The following CALD1 variants were observed in gnomAD, a reference collection of about 807,000 sequenced individuals.
CALD1 encodes caldesmon.
CALD1 carries 33 observed loss-of-function variants against 99.9 expected under a neutral mutation model. The ratio of observed to expected loss-of-function variants is 0.33; its 90% CI spans 0.25 to 0.44. The LOEUF (loss-of-function observed/expected upper bound fraction) is 0.44. Ranked by LOEUF, CALD1 falls within the 20% of genes least tolerant of loss-of-function variation. CALD1 has a pLI of 1.00. For synonymous variants in CALD1, 310 were observed against 325.0 expected, an observed-to-expected ratio of 0.95 and a Z score of 0.50; for missense variants, 861 against 962.1, an observed-to-expected ratio of 0.89 and a Z score of 1.39.
chr7:134,735,822 A>G, the CALD1 span, among the ~76,000 whole-genome samples: 100,161 of 151,488 alleles, frequency 0.66, 33,621 homozygotes, highest in East Asian at 0.89. Context: ...ATATAACTCC[A>G]AAAAGTCCAG....
intron 3 of CALD1, among the ~76,000 whole-genome samples, chr7:134,926,022 A>G (rs771971733): frequency 6.6e-6 from 1 of 152,240 alleles, no homozygotes; most frequent in Non-Finnish European, 1.5e-5. Flanking sequence ...TGAAGGGTGA[A>G]GCCAAACCAC....
At chr7:134,856,904 G>A (rs1422308311) in intron 2 of CALD1, among the ~76,000 whole-genome samples, 2 of 152,148 alleles carry the variant, frequency 1.3e-5, no homozygotes, top group South Asian at 2.1e-4. Flanking sequence ...ACACTGCCCT[G>A]GCATCTGTTC....
chr7:134,888,230 C>T (rs10245602), intron 3 of CALD1, among the ~76,000 whole-genome samples: 23,741 of 152,126 alleles, frequency 0.16, 2,685 homozygotes, highest in African/African-American at 0.32. Flanking sequence ...CTCAGAATGG[C>T]CCAGACTTTC....
intron 1 of CALD1, among the ~76,000 whole-genome samples, chr7:134,754,563 G>C (rs941454245): frequency 2.0e-5 from 3 of 152,302 alleles, no homozygotes; most frequent in South Asian, 4.1e-4. Context: ...TCTGTTAACA[G>C]ATGTGTAGTC....
In CALD1 at chr7:134,928,826, A is replaced by ACGGCTG; in HGVS notation, c.149_154dup (p.Leu50_Arg51dup). On this transcript the variant is annotated inframe_insertion, in exon 4 of 15. Transcript: ENST00000361675. Reference sequence around the variant, plus strand: ...AACGGCGCCGCCGAGCCCGACAGGAACGGCTGCGGCAGAAGCAGGAGGAAG... The same window carrying ACGGCTG: ...AACGGCGCCGCCGAGCCCGACAGGAACGGCTGCGGCTGCGGCAGAAGCAGGAGGAAG... The ACGGCTG allele has an allele frequency of 6.2e-7, 1 of 1,613,978 alleles. No individual in the cohort carries two copies. The highest frequency in any genetic ancestry group is 8.5e-7 in the Non-Finnish European group (1 of 1,179,892).
chr7:134,873,470 G>T (rs62479552), intron 3 of CALD1, among the ~76,000 whole-genome samples: 12,989 of 152,246 alleles, frequency 0.085, 683 homozygotes, highest in South Asian at 0.25. Context: ...CCAGGAAAGA[G>T]GGAGAGAGAA....
chr7:134,883,679 T>A (rs1801712797), intron 3 of CALD1, among the ~76,000 whole-genome samples: 1 of 152,222 alleles, frequency 6.6e-6, no homozygotes, highest in Admixed American at 6.5e-5. Context: ...GCTACCATCA[T>A]AAAGATACCT....
At chr7:134,881,223 T>C (rs1801585664) in intron 3 of CALD1, among the ~76,000 whole-genome samples, 1 of 152,164 alleles carries the variant, frequency 6.6e-6, no homozygotes, top group South Asian at 2.1e-4. Flanking sequence ...GACCCAGGCT[T>C]GTAGAGCAAC....
In CALD1 at chr7:134,792,722, T is replaced by G. The variant is rs186476803; in HGVS notation, c.-130+12973T>G. On this transcript the variant is annotated intron_variant, in intron 1 of 14. Transcript: ENST00000361675. ...ATTCTGAGGTCTTAGGGGTTAGGAC[T>G]GCTTCAACATATGAATACTCGGGGG... Among the ~76,000 whole-genome samples the G allele has an allele frequency of 2.5e-3, 387 of 152,308 alleles. 1 individual carries two copies. The highest frequency in any genetic ancestry group is 9.0e-3 in the African/African-American group (376 of 41,568).
chr7:134,967,813 G>T (rs1288131462), intron 14 of CALD1, among the ~76,000 whole-genome samples: 1 of 152,046 alleles, frequency 6.6e-6, no homozygotes, highest in African/African-American at 2.4e-5. Context: ...GACAGGAAGA[G>T]GGAAGTGAAA....
rs769359658 is a variant in CALD1 at position 134,930,102 on chromosome 7, G to A, written c.218+1202G>A. Reference sequence around the variant, plus strand: ...CTCTGATCATTATAATATTCAACAAGATACAGAATTCCGCTTAATTTAATG... The same window carrying A: ...CTCTGATCATTATAATATTCAACAAAATACAGAATTCCGCTTAATTTAATG... On this transcript the variant is annotated intron_variant, in intron 4 of 14. Coordinates refer to ENST00000361675, the MANE Select transcript of CALD1 (RefSeq NM_033138.4). Among the ~76,000 whole-genome samples, 5 of 152,036 alleles carry A rather than the reference G, an allele frequency of 3.3e-5. No homozygotes were observed. The South Asian group carries it at 1.0e-3, about 32-fold the overall frequency.
At chr7:134,830,034 T>C (rs1373583711) in intron 1 of CALD1, among the ~76,000 whole-genome samples, 1 of 151,828 alleles carries the variant, frequency 6.6e-6, no homozygotes, top group African/African-American at 2.4e-5. Flanking sequence ...GGGAAAAACT[T>C]GGGAAACAAG....
intron 6 of CALD1, 149 bp downstream of exon 6, chr7:134,935,914 G>A: frequency 1.4e-6 from 1 of 709,262 alleles, no homozygotes; most frequent in East Asian, 3.1e-5. Context: ...AGTGAGATCA[G>A]CTTAGAGTGT....
At chr7:134,728,291 G>A in the CALD1 span, among the ~76,000 whole-genome samples, 1 of 152,148 alleles carries the variant, frequency 6.6e-6, no homozygotes, top group African/African-American at 2.4e-5. Flanking sequence ...TCAGCCCCCT[G>A]AGCCAGAGTA....
At chr7:134,942,384 AT>A (rs139693709) in intron 7 of CALD1, among the ~76,000 whole-genome samples, 1,684 of 152,248 alleles carry the variant, frequency 0.011, 28 homozygotes, top group African/African-American at 0.038. Flanking sequence ...CCCCAAAACA[AT>A]TTTTTTGTAC....
intron 1 of CALD1, among the ~76,000 whole-genome samples, chr7:134,747,563 T>G (rs1186190103): frequency 2.0e-5 from 3 of 152,180 alleles, no homozygotes; most frequent in Admixed American, 6.5e-5. Context: ...GGGGCTGCCC[T>G]TCCCATCATA....
chr7:134,944,865 T>C, intron 7 of CALD1, among the ~76,000 whole-genome samples: 1 of 152,236 alleles, frequency 6.6e-6, no homozygotes, highest in East Asian at 1.9e-4. Context: ...CAAATCCAAC[T>C]TAGGTGAACT....
the CALD1 span, among the ~76,000 whole-genome samples, chr7:134,717,988 AC>A: frequency 2.6e-5 from 4 of 152,218 alleles, no homozygotes; most frequent in African/African-American, 7.2e-5. Flanking sequence ...TGGAAAAAAA[AC>A]AATACTAACT....
At chr7:134,862,086 A>G (rs1800586590) in intron 2 of CALD1, among the ~76,000 whole-genome samples, 1 of 152,262 alleles carries the variant, frequency 6.6e-6, no homozygotes, top group Non-Finnish European at 1.5e-5. Context: ...TGATAATTCT[A>G]TGATTTAAAC....
Sources: gnomAD v4.1 joint callset for allele counts (sites outside exome capture counted in the v4.1 genomes callset) on GRCh38, gnomAD v4.1.1 for gene constraint, MANE v1.5 for transcripts, NCBI Gene and HGNC (gene_info 2026-07-23, HGNC 2026-07-21) for gene names.